MRPL19: variants seen among roughly 807,000 people sequenced by gnomAD.
MRPL19 encodes mitochondrial ribosomal protein L19, also known as large ribosomal subunit protein bL19m.
MRPL19 carries 31 observed loss-of-function variants against 34.0 expected under a neutral mutation model. The observed-to-expected ratio is 0.91, with a 90% confidence interval of 0.68 to 1.23. MRPL19 has a LOEUF of 1.23. Ranked by LOEUF, MRPL19 falls within the 50% of genes most tolerant of loss-of-function variation. The pLI, the probability that MRPL19 is intolerant of heterozygous loss-of-function variation, is 0.00. For missense variants in MRPL19, 384 were observed against 367.6 expected, an observed-to-expected ratio of 1.04 and a Z score of -0.37; for synonymous variants, 152 against 127.7, an observed-to-expected ratio of 1.19 and a Z score of -1.28.
chr2:75,654,663 C>A, intron 4 of MRPL19, 73 bp from the exon 5 acceptor site: 1 of 1,368,822 alleles, frequency 7.3e-7, no homozygotes, highest in Non-Finnish European at 9.9e-7. Context: ...TTATGAAATG[C>A]TTTTACTGCA....
In MRPL19 at chr2:75,658,476, A is replaced by T. The variant is rs1484971810; in HGVS notation, c.*3191A>T. Among the ~76,000 whole-genome samples the T allele has an allele frequency of 2.6e-5, 4 of 152,168 alleles. No homozygotes were observed. In the East Asian group the frequency reaches 7.7e-4, roughly 29 times the overall value. On this transcript the variant is annotated 3_prime_UTR_variant, in exon 6 of 6. Coordinates refer to ENST00000393909, the MANE Select transcript of MRPL19 (RefSeq NM_014763.4). ...TGCAGTAAACATTGACATAACAAGT[A>T]TGTATTTGATTGCCTGTTTCTAAGT...
Position 75,656,905 on chromosome 2 carries a change from C to G in MRPL19, c.*1620C>G, listed in dbSNP as rs1359156686. 6.6e-6 allele frequency: 1 copy of G among 152,064 alleles called. No individual in the cohort carries two copies. Among genetic ancestry groups the G allele is most frequent in the Non-Finnish European group, 1.5e-5 (1 of 67,994 alleles). 9.4% of individuals were successfully genotyped at this position (152,064 alleles called of 1,614,324 possible). A position where few individuals can be genotyped will look rare whatever the true frequency, so the allele number is the denominator to read the frequency against. On this transcript the variant is annotated 3_prime_UTR_variant, in exon 6 of 6. Transcript: ENST00000393909. ...CCAGCACTGGGTATCTATTTTCTTA[C>G]CTCCCTCCCTTGACCCCAGTCTCTG...
intron 2 of MRPL19, 43 bp downstream of exon 2, chr2:75,647,262 G>A: frequency 1.3e-6 from 2 of 1,527,730 alleles, no homozygotes; most frequent in Non-Finnish European, 1.8e-6. Context: ...TGGGGTCGGT[G>A]CGCGCGTGAG....
intron 2 of MRPL19, among the ~76,000 whole-genome samples, chr2:75,649,683 C>T (rs976997114): frequency 6.6e-6 from 1 of 152,098 alleles, no homozygotes; most frequent in Non-Finnish European, 1.5e-5. Context: ...CTTTGTCATC[C>T]AGGCTGGAGT....
chr2:75,653,286 A>G (rs540072475), intron 4 of MRPL19, among the ~76,000 whole-genome samples: 1 of 152,374 alleles, frequency 6.6e-6, no homozygotes, highest in South Asian at 2.1e-4. Context: ...ATGTGAAAGC[A>G]GTTGCTGTCT....
chr2:75,649,963 A>T (rs1384425835), intron 2 of MRPL19, among the ~76,000 whole-genome samples: 1 of 152,222 alleles, frequency 6.6e-6, no homozygotes, highest in Non-Finnish European at 1.5e-5. Context: ...AAAAAATGAT[A>T]TGTGTATATA....
rs867991787 is a variant in MRPL19 at position 75,655,168 on chromosome 2, G to GA, written c.765dup (p.Glu256ArgfsTer11). On this transcript the variant is annotated frameshift_variant, in exon 6 of 6. Transcript: ENST00000393909. LOFTEE classifies it high-confidence loss of function. ...ATCTTTGTTTAACTGAACAGCAAAT[G>GA]AAAGAAGCTCAGAAGTGGAATCAGC... The GA allele has an allele frequency of 6.2e-7, 1 of 1,612,026 alleles. No homozygotes were observed. The highest frequency in any genetic ancestry group is 1.3e-5 in the African/African-American group (1 of 74,580).
In MRPL19 at chr2:75,658,464, G is replaced by A. The variant is rs1046422068; in HGVS notation, c.*3179G>A. Among the ~76,000 whole-genome samples the A allele has an allele frequency of 6.6e-6, 1 of 152,120 alleles. No homozygotes were observed. Among genetic ancestry groups the A allele is most frequent in the Non-Finnish European group, 1.5e-5 (1 of 68,014 alleles). On this transcript the variant is annotated 3_prime_UTR_variant, in exon 6 of 6. Coordinates refer to ENST00000393909, the MANE Select transcript of MRPL19 (RefSeq NM_014763.4). Reference sequence around the variant, plus strand: ...TGTGAATAATGCTGCAGTAAACATTGACATAACAAGTATGTATTTGATTGC... The same window carrying A: ...TGTGAATAATGCTGCAGTAAACATTAACATAACAAGTATGTATTTGATTGC...
rs527941004 is a variant in MRPL19 at position 75,661,645 on chromosome 2, G to A, written c.*6360G>A. 5 of 152,182 alleles carry A rather than the reference G, an allele frequency of 3.3e-5. No individual in the cohort carries two copies. The highest frequency in any genetic ancestry group is 9.6e-5 in the African/African-American group (4 of 41,500). 9.4% of individuals were successfully genotyped at this position (152,182 alleles called of 1,614,324 possible). A position where few individuals can be genotyped will look rare whatever the true frequency, so the allele number is the denominator to read the frequency against. ...ATGATATATCTTTCACTTTTTCAGGGATAGGCTCCTCATTAGAAGGCTCCT... is the reference window on the plus strand; with the variant it reads ...ATGATATATCTTTCACTTTTTCAGGAATAGGCTCCTCATTAGAAGGCTCCT... On this transcript the variant is annotated 3_prime_UTR_variant, in exon 6 of 6. Coordinates refer to ENST00000393909, the MANE Select transcript of MRPL19 (RefSeq NM_014763.4).
rs1678578108 is a variant in MRPL19 at position 75,660,295 on chromosome 2, T to C, written c.*5010T>C. On this transcript the variant is annotated 3_prime_UTR_variant, in exon 6 of 6. Coordinates refer to ENST00000393909, the MANE Select transcript of MRPL19 (RefSeq NM_014763.4). ...TTGTCCATGTTTTCCTTTAGCTCTTTGGGCTTATTTAAGACAATTGTTTAA... is the reference window on the plus strand; with the variant it reads ...TTGTCCATGTTTTCCTTTAGCTCTTCGGGCTTATTTAAGACAATTGTTTAA... Among the ~76,000 whole-genome samples the C allele has an allele frequency of 6.6e-6, 1 of 152,220 alleles. No individual in the cohort carries two copies. The highest frequency in any genetic ancestry group is 2.1e-4 in the South Asian group (1 of 4,834).
rs6730759 is a variant in MRPL19, at chr2:75,660,970, G to T, written c.*5685G>T. Reference sequence around the variant, plus strand: ...ATAGTCTTTCGACCCAGGTGTTTGCGGTTGTTAGTTCACCTTACACTTTTT... The same window carrying T: ...ATAGTCTTTCGACCCAGGTGTTTGCTGTTGTTAGTTCACCTTACACTTTTT... On this transcript the variant is annotated 3_prime_UTR_variant, in exon 6 of 6. Transcript: ENST00000393909. The T allele has an allele frequency of 6.6e-6, 1 of 151,948 alleles. No homozygotes were observed. Among genetic ancestry groups the T allele is most frequent in the South Asian group, 2.1e-4 (1 of 4,822 alleles). 9.4% of individuals were successfully genotyped at this position (151,948 alleles called of 1,614,324 possible).
intron 4 of MRPL19, among the ~76,000 whole-genome samples, chr2:75,653,388 G>A (rs373596913): frequency 1.3e-5 from 2 of 152,178 alleles, no homozygotes; most frequent in Non-Finnish European, 2.9e-5. Flanking sequence ...TACTTGGAGA[G>A]GCCTTGTAAT....
chr2:75,646,827 C>G lies in MRPL19; in HGVS notation c.20C>G (p.Ala7Gly). MAACIA[A>G]GHWAAMGLGR... ...GCTGGCATGGCGGCCTGCATTGCAGCGGGGCACTGGGCTGCAATGGGCCTA... is the reference window on the plus strand; with the variant it reads ...GCTGGCATGGCGGCCTGCATTGCAGGGGGGCACTGGGCTGCAATGGGCCTA... The change falls in exon 1 of 6, where the codon GCG becomes GGG. Residue 7 changes from alanine (A) to glycine (G), a missense_variant. By Grantham distance (60) the Ala-to-Gly change is moderately conservative. Transcript: ENST00000393909. 3 of 1,564,678 alleles carry G rather than the reference C, an allele frequency of 1.9e-6. No homozygotes were observed. The highest frequency in any genetic ancestry group is 2.6e-6 in the Non-Finnish European group (3 of 1,155,132).
chr2:75,647,130 G>A lies in MRPL19; in HGVS notation c.132G>A (p.Gln44=), dbSNP rs1307235220. The change falls in exon 2 of 6, where the codon CAG becomes CAA. Residue 44 remains glutamine, a synonymous_variant. Transcript: ENST00000393909. ...TCCACGCGGGGCCTGTCCGGCAGCA[G>A]AGCACTGGGCCTTCCGAGCCCGGTG... ...CRVHAGPVRQ[Q]STGPSEPGAF... The A allele has an allele frequency of 6.3e-7, 1 of 1,585,270 alleles. No individual in the cohort carries two copies. Among genetic ancestry groups the A allele is most frequent in the Non-Finnish European group, 8.6e-7 (1 of 1,165,112 alleles).
Position 75,657,978 on chromosome 2 carries a change from C to T in MRPL19, c.*2693C>T, listed in dbSNP as rs904867522. The T allele has an allele frequency of 1.3e-5, 2 of 152,024 alleles. No homozygotes were observed. Among genetic ancestry groups the T allele is most frequent in the Non-Finnish European group, 2.9e-5 (2 of 67,996 alleles). The allele number at this position is 152,024 out of a possible 1,614,324, so 9.4% of individuals were successfully genotyped here. Reference sequence around the variant, plus strand: ...TCACAATGTTGTGAAATTATTACTACTATTTCCAAAATTTTCTCATCACCC... The same window carrying T: ...TCACAATGTTGTGAAATTATTACTATTATTTCCAAAATTTTCTCATCACCC... On this transcript the variant is annotated 3_prime_UTR_variant, in exon 6 of 6. Transcript: ENST00000393909.
At chr2:75,648,201 A>G (rs576644639) in intron 2 of MRPL19, among the ~76,000 whole-genome samples, 6 of 152,326 alleles carry the variant, frequency 3.9e-5, no homozygotes, top group African/African-American at 1.2e-4. Context: ...AGTGGCATTT[A>G]ATAGAATTCA....
At position 75,654,815 on chromosome 2, in the gene MRPL19, T is replaced by C; in HGVS notation, c.555T>C (p.Asp185=). ...QVVKLEKRLD[D]SLLYLRDALP... Reference sequence around the variant, plus strand: ...TCAAATTAGAGAAACGGCTGGATGATAGCTTGCTATACTTACGAGATGCCC... The same window carrying C: ...TCAAATTAGAGAAACGGCTGGATGACAGCTTGCTATACTTACGAGATGCCC... The change falls in exon 5 of 6, where the codon GAT becomes GAC. Residue 185 remains aspartate (D), a synonymous_variant. Transcript: ENST00000393909. 5 of 1,613,908 alleles carry C rather than the reference T, an allele frequency of 3.1e-6. No homozygotes were observed. The highest frequency in any genetic ancestry group is 3.4e-6 in the Non-Finnish European group (4 of 1,179,860).
chr2:75,658,044 C>G lies in MRPL19; in HGVS notation c.*2759C>G, dbSNP rs1678504082. Among the ~76,000 whole-genome samples, 1 of 152,072 alleles carries G rather than the reference C, an allele frequency of 6.6e-6. No individual in the cohort carries two copies. The highest frequency in any genetic ancestry group is 1.5e-5 in the Non-Finnish European group (1 of 67,998). ...TAACTGTTGAGCAATAACCTCATTC[C>G]TGTATCTCTCCCAACCCCAGGTAAC... On this transcript the variant is annotated 3_prime_UTR_variant, in exon 6 of 6. Transcript: ENST00000393909.
At chr2:75,652,033 T>G in intron 2 of MRPL19, 109 bp from the exon 3 acceptor site, 1 of 593,908 alleles carries the variant, frequency 1.7e-6, no homozygotes, top group Non-Finnish European at 2.9e-6. Context: ...ATTTAGACAA[T>G]GAAGAATAAA....
Sources: allele counts gnomAD v4.1 joint callset (sites outside exome capture counted in the v4.1 genomes callset), GRCh38; gene constraint gnomAD v4.1.1; transcripts MANE v1.5; gene names NCBI Gene and HGNC (gene_info 2026-07-23, HGNC 2026-07-21).